Variants in TCERG1L observed in about 807,000 individuals in gnomAD.
The protein encoded by TCERG1L is transcription elongation regulator 1 like.
TCERG1L carries 37 observed loss-of-function variants against 56.3 expected under a neutral mutation model. The ratio of observed to expected loss-of-function variants is 0.66; its 90% CI spans 0.51 to 0.87. TCERG1L has a LOEUF of 0.87. Ranked by LOEUF, TCERG1L falls within the 40% of genes least tolerant of loss-of-function variation. TCERG1L has a pLI of 0.00. For missense variants in TCERG1L, 799 were observed against 774.2 expected, an observed-to-expected ratio of 1.03 and a Z score of -0.38; for synonymous variants, 324 against 326.3, an observed-to-expected ratio of 0.99 and a Z score of 0.08.
chr10:131,253,723 G>T (rs538065614), intron 4 of TCERG1L, among the ~76,000 whole-genome samples: 1 of 152,118 alleles, frequency 6.6e-6, no homozygotes, highest in Non-Finnish European at 1.5e-5. Context: ...CGACCAACAC[G>T]CCAGAGCATC....
chr10:131,206,138 C>T (rs1334549527), intron 4 of TCERG1L, among the ~76,000 whole-genome samples: 1 of 152,246 alleles, frequency 6.6e-6, no homozygotes, highest in Non-Finnish European at 1.5e-5. Flanking sequence ...ATAAGAAGTA[C>T]AGGCGGATTT....
intron 9 of TCERG1L, among the ~76,000 whole-genome samples, chr10:131,106,625 T>A (rs966428377): frequency 2.6e-5 from 4 of 152,126 alleles, no homozygotes; most frequent in Non-Finnish European, 4.4e-5. Flanking sequence ...AGACTGAGCA[T>A]TGTCTTGAGA....
chr10:131,125,202 GATGAAC>G (rs1170100070), intron 8 of TCERG1L, among the ~76,000 whole-genome samples: 1 of 144,118 alleles, frequency 6.9e-6, no homozygotes, highest in Admixed American at 7.0e-5. Context: ...TGATGATGGT[GATGAAC>G]ATGATGATGA....
chr10:131,143,986 C>G (rs7910934), intron 7 of TCERG1L, among the ~76,000 whole-genome samples: 1 of 152,102 alleles, frequency 6.6e-6, no homozygotes, highest in Admixed American at 6.5e-5. Context: ...CTTCTGGAGG[C>G]GCTGCCTCCT....
intron 6 of TCERG1L, among the ~76,000 whole-genome samples, chr10:131,153,760 C>T (rs902073240): frequency 1.1e-4 from 17 of 152,174 alleles, no homozygotes; most frequent in African/African-American, 3.9e-4. Context: ...GGGGAAACAG[C>T]TTCCAATTCC....
rs577316168 is a variant in TCERG1L, at chr10:131,244,886, G to A, written c.856+15373C>T. Among the ~76,000 whole-genome samples the A allele has an allele frequency of 4.3e-4, 66 of 152,330 alleles. 1 individual carries two copies. The highest frequency in any genetic ancestry group is 3.4e-3 in the Middle Eastern group (1 of 294). ...CCACCCCCTAGATGGGCAGGGAACT[G>A]TGAAATCCCATGTCCATGAGCACAG... On this transcript the variant is annotated intron_variant, in intron 4 of 11. Coordinates refer to ENST00000368642, the MANE Select transcript of TCERG1L (RefSeq NM_174937.4).
intron 9 of TCERG1L, among the ~76,000 whole-genome samples, chr10:131,112,774 C>T (rs1271078205): frequency 3.5e-5 from 5 of 142,502 alleles, no homozygotes; most frequent in Admixed American, 1.4e-4. Flanking sequence ...AACGGACACA[C>T]GGAAGGAGAC....
chr10:131,224,309 A>G (rs1845768999), intron 4 of TCERG1L, among the ~76,000 whole-genome samples: 1 of 151,944 alleles, frequency 6.6e-6, no homozygotes, highest in Non-Finnish European at 1.5e-5. Flanking sequence ...TCCCATTGGG[A>G]GTGCCCTCCC....
chr10:131,106,213 C>G (rs1845350381), intron 9 of TCERG1L, among the ~76,000 whole-genome samples: 1 of 152,340 alleles, frequency 6.6e-6, no homozygotes, highest in South Asian at 2.1e-4. Context: ...CCTTGGGCCC[C>G]AAGCTGGGTG....
In TCERG1L at chr10:131,118,900, C is replaced by CAA. The variant is rs1845485910; in HGVS notation, c.1260-1968_1260-1967dup. On this transcript the variant is annotated intron_variant, in intron 8 of 11. Transcript: ENST00000368642. The surrounding 1 kb of genome is among the most constrained non-coding windows in gnomAD (Gnocchi z 4.2). ...GGTCTGGAAACATTTGTGGCTGCCA[C>CAA]AACTGGGGAGATGTTACCAGCACCT... is the stretch of plus-strand genomic sequence containing the variant. 6.6e-6 allele frequency among the ~76,000 whole-genome samples: 1 copy of CAA among 152,158 alleles called. No individual in the cohort carries two copies. Among genetic ancestry groups the CAA allele is most frequent in the Non-Finnish European group, 1.5e-5 (1 of 68,028 alleles).
At chr10:131,240,280 T>C (rs116758958) in intron 4 of TCERG1L, among the ~76,000 whole-genome samples, 2,077 of 152,320 alleles carry the variant, frequency 0.014, 43 homozygotes, top group African/African-American at 0.046. Context: ...GTCCATGCCA[T>C]GTGGCCAGCC....
rs985191133 is a variant in TCERG1L, at chr10:131,173,452, C to T, written c.857-6567G>A. Among the ~76,000 whole-genome samples the T allele has an allele frequency of 2.6e-5, 4 of 152,160 alleles. No homozygotes were observed. The East Asian group carries it at 5.8e-4, about 22-fold the overall frequency. On this transcript the variant is annotated intron_variant, in intron 4 of 11. Transcript: ENST00000368642. Reference sequence around the variant, plus strand: ...TTTATGGCTAAGGTAATAAAAATAACACAGTCAGGGCCCGTTGTATATGGT... The same window carrying T: ...TTTATGGCTAAGGTAATAAAAATAATACAGTCAGGGCCCGTTGTATATGGT...
chr10:131,252,028 G>C (rs1011947548), intron 4 of TCERG1L, among the ~76,000 whole-genome samples: 3 of 152,150 alleles, frequency 2.0e-5, no homozygotes, highest in Admixed American at 6.5e-5. Flanking sequence ...AATCCTATAG[G>C]CTTGTTTCAC....
In TCERG1L at chr10:131,093,029, A is replaced by AC; in HGVS notation, c.*132dup. 1.2e-6 allele frequency: 1 copy of AC among 805,896 alleles called. No homozygotes were observed. 49.9% of individuals were successfully genotyped at this position (805,896 alleles called of 1,614,324 possible). ...AAACAGTAATCCTCTGAGAACGAAGACCCCGCAGTGCCGGTGCCCGCTGGG... is the reference window on the plus strand; with the variant it reads ...AAACAGTAATCCTCTGAGAACGAAGACCCCCGCAGTGCCGGTGCCCGCTGGG... On this transcript the variant is annotated 3_prime_UTR_variant, in exon 12 of 12. Transcript: ENST00000368642.
chr10:131,151,416 C>A (rs1023443352), intron 6 of TCERG1L, among the ~76,000 whole-genome samples: 1 of 152,140 alleles, frequency 6.6e-6, no homozygotes, highest in African/African-American at 2.4e-5. Context: ...AGTCCAAAAT[C>A]CAATACGGCA....
At chr10:131,185,292 T>A (rs1429059346) in intron 4 of TCERG1L, among the ~76,000 whole-genome samples, 2 of 152,110 alleles carry the variant, frequency 1.3e-5, no homozygotes, top group East Asian at 1.9e-4. Flanking sequence ...GTCAGAAAGA[T>A]TTTAAGGAGA....
At chr10:131,165,089 C>A (rs1564805487) in intron 5 of TCERG1L, among the ~76,000 whole-genome samples, 2 of 152,184 alleles carry the variant, frequency 1.3e-5, no homozygotes, top group Admixed American at 6.5e-5. Context: ...CTGTAAGAGA[C>A]AATGGTGAGA....
At chr10:131,250,977 C>T (rs1053044829) in intron 4 of TCERG1L, among the ~76,000 whole-genome samples, 5 of 152,170 alleles carry the variant, frequency 3.3e-5, no homozygotes, top group Non-Finnish European at 5.9e-5. Context: ...GCTCCGCTTC[C>T]CACCTGTGCT....
At chr10:131,232,780 C>G (rs1385105944) in intron 4 of TCERG1L, among the ~76,000 whole-genome samples, 1 of 152,170 alleles carries the variant, frequency 6.6e-6, no homozygotes, top group African/African-American at 2.4e-5. Flanking sequence ...AACCCTTCAG[C>G]TCACAGAAAG....
Sources: gnomAD v4.1 joint callset for allele counts (sites outside exome capture counted in the v4.1 genomes callset) on GRCh38, gnomAD v4.1.1 for gene constraint, Gnocchi (gnomAD v3.1) non-coding constraint, MANE v1.5 for transcripts, NCBI Gene and HGNC (gene_info 2026-07-23, HGNC 2026-07-21) for gene names.